The following PPP1R21 variants were observed in gnomAD, a reference collection of about 807,000 sequenced individuals.
The protein encoded by PPP1R21 is KLRAQ motif containing 1.
A neutral mutation model predicts 112.8 loss-of-function variants in PPP1R21; 85 were observed. The ratio of observed to expected loss-of-function variants is 0.75; its 90% CI spans 0.63 to 0.90. PPP1R21 has a LOEUF of 0.90. Ranked by LOEUF, PPP1R21 falls within the 40% of genes least tolerant of loss-of-function variation. The pLI is 0.00. For missense variants in PPP1R21, 1,199 were observed against 901.5 expected (o/e 1.33, Z -4.23); for synonymous variants, 381 against 322.3 (o/e 1.18, Z -1.95).
intron 11 of PPP1R21, among the ~76,000 whole-genome samples, chr2:48,472,942 A>AAAAAAAAAG (rs1396790936): frequency 1.3e-5 from 2 of 150,998 alleles, no homozygotes; most frequent in Non-Finnish European, 3.0e-5. Context: ...TCTTAAAAAA[A>AAAAAAAAAG]AAAAAAAGAA....
intron 17 of PPP1R21, among the ~76,000 whole-genome samples, chr2:48,504,513 C>A (rs1302898135): frequency 6.6e-6 from 1 of 152,084 alleles, no homozygotes; most frequent in Non-Finnish European, 1.5e-5. Context: ...TGGTGGCGTG[C>A]ACCTGTAATC....
chr2:48,498,713 A>T lies in PPP1R21; in HGVS notation c.1913A>T (p.Glu638Val). The change falls in exon 17 of 22, where the codon GAG (glutamate) becomes GTG (valine). Residue 638 changes from glutamate (E) to valine (V), a missense_variant. By Grantham distance (121) the Glu-to-Val change is moderately radical (BLOSUM62 -2). Coordinates refer to ENST00000294952, the MANE Select transcript of PPP1R21 (RefSeq NM_001135629.3). Reference sequence around the variant, plus strand: ...GAAGCCACAGCTAAGGCTGTGTTGGAGCCCATTCAGAGCACCAGTCTAGTA... The same window carrying T: ...GAAGCCACAGCTAAGGCTGTGTTGGTGCCCATTCAGAGCACCAGTCTAGTA... Reference protein sequence around the residue: ...QDEATAKAVLEPIQSTSLIGT... With the variant: ...QDEATAKAVLVPIQSTSLIGT... The T allele has an allele frequency of 6.2e-7, 1 of 1,614,216 alleles. No homozygotes were observed. Among genetic ancestry groups the T allele is most frequent in the Non-Finnish European group, 8.5e-7 (1 of 1,180,024 alleles).
chr2:48,460,130 A>C lies in PPP1R21; in HGVS notation c.576A>C (p.Glu192Asp). 1.2e-6 allele frequency: 2 copies of C among 1,614,176 alleles called. No homozygotes were observed. The highest frequency in any genetic ancestry group is 1.7e-6 in the Non-Finnish European group (2 of 1,180,018). The change falls in exon 6 of 22, where the codon GAA becomes GAC. Residue 192 changes from glutamate (E) to aspartate (D), a missense_variant. Glu to Asp is a conservative substitution (Grantham distance 45). Coordinates refer to ENST00000294952, the MANE Select transcript of PPP1R21 (RefSeq NM_001135629.3). ...KSQTLEKEAKECRLRTEECQL... is the reference protein window; with the variant it reads ...KSQTLEKEAKDCRLRTEECQL... ...AGACTCTAGAAAAGGAAGCCAAGGA[A>C]TGTCGACTTCGAACGGAAGAATGGT...
At chr2:48,451,418 A>G (rs536374535) in intron 2 of PPP1R21, among the ~76,000 whole-genome samples, 11 of 152,228 alleles carry the variant, frequency 7.2e-5, no homozygotes, top group African/African-American at 1.7e-4. Context: ...AGGCTATGTC[A>G]TATTCCTATT....
rs539405263 is a variant in PPP1R21 at position 48,504,684 on chromosome 2, C to G, written c.1936-880C>G. Among the ~76,000 whole-genome samples, 3 of 152,268 alleles carry G rather than the reference C, an allele frequency of 2.0e-5. No individual in the cohort carries two copies. The East Asian group carries it at 5.8e-4, about 29-fold the overall frequency. On this transcript the variant is annotated intron_variant, in intron 17 of 21. Transcript: ENST00000294952. The stretch of plus-strand genomic sequence containing the variant: ...AAAAACTGTTCATTGAGTGTAATAT[C>G]TTATTGACAGAATCCATTGACACTG...
chr2:48,446,614 TTAAA>T (rs1314120752), intron 1 of PPP1R21, among the ~76,000 whole-genome samples: 2 of 152,216 alleles, frequency 1.3e-5, no homozygotes, highest in African/African-American at 2.4e-5. Flanking sequence ...AATTAACTGA[TTAAA>T]TAACTAAAAA....
At chr2:48,497,707 A>G (rs968967911) in intron 16 of PPP1R21, among the ~76,000 whole-genome samples, 14 of 144,912 alleles carry the variant, frequency 9.7e-5, no homozygotes, top group Non-Finnish European at 1.3e-4. Context: ...GCTGGAGTGC[A>G]GTGGCGCTAT....
At chr2:48,465,072 T>C in intron 8 of PPP1R21, 83 bp downstream of exon 8, 1 of 1,049,578 alleles carries the variant, frequency 9.5e-7, no homozygotes. Flanking sequence ...TGTTTGGACC[T>C]CTGTTTAGTG....
At chr2:48,495,349 G>A (rs999597837) in intron 15 of PPP1R21, among the ~76,000 whole-genome samples, 2 of 151,990 alleles carry the variant, frequency 1.3e-5, no homozygotes, top group Non-Finnish European at 2.9e-5. Context: ...GACTACAGGC[G>A]CGTGCCACCA....
In PPP1R21 at chr2:48,477,267, C is replaced by T. The variant is rs10183526; in HGVS notation, c.1225+2448C>T. On this transcript the variant is annotated intron_variant, in intron 12 of 21. Transcript: ENST00000294952. The stretch of plus-strand genomic sequence containing the variant: ...CCGAGTAGCTGGGACTACGGGTGTG[C>T]GCCACTGCACTTGGCTAATTTTTGC... Among the ~76,000 whole-genome samples, 853 of 151,860 alleles carry T rather than the reference C, an allele frequency of 5.6e-3. 10 individuals carry two copies. Among genetic ancestry groups the T allele is most frequent in the African/African-American group, 0.019 (799 of 41,398 alleles).
chr2:48,485,498 A>G, intron 13 of PPP1R21, among the ~76,000 whole-genome samples: 1 of 152,314 alleles, frequency 6.6e-6, no homozygotes, highest in Admixed American at 6.5e-5. Flanking sequence ...AAATTGGCTA[A>G]AGGGTGTAAT....
At chr2:48,457,453 A>T (rs1273010953) in intron 3 of PPP1R21, among the ~76,000 whole-genome samples, 1 of 152,216 alleles carries the variant, frequency 6.6e-6, no homozygotes, top group African/African-American at 2.4e-5. Flanking sequence ...TTTCATTGTT[A>T]GGCTGTTCCT....
chr2:48,504,995 A>G (rs939536213), intron 17 of PPP1R21, among the ~76,000 whole-genome samples: 3 of 149,890 alleles, frequency 2.0e-5, no homozygotes, highest in Admixed American at 2.0e-4. Flanking sequence ...CCTTGTGTCT[A>G]AAAAAAAAAT....
chr2:48,456,790 C>T (rs560948250), intron 3 of PPP1R21, among the ~76,000 whole-genome samples: 20 of 152,290 alleles, frequency 1.3e-4, no homozygotes, highest in African/African-American at 3.1e-4. Context: ...CAGTGGCTCA[C>T]GCCTGTAATC....
At chr2:48,512,655 T>C (rs1670694633) in intron 21 of PPP1R21, among the ~76,000 whole-genome samples, 1 of 152,252 alleles carries the variant, frequency 6.6e-6, no homozygotes, top group African/African-American at 2.4e-5. Flanking sequence ...TGATTTTGTT[T>C]ATCAACATAG....
At chr2:48,476,904 T>C (rs1349519722) in intron 12 of PPP1R21, among the ~76,000 whole-genome samples, 1 of 152,116 alleles carries the variant, frequency 6.6e-6, no homozygotes, top group Admixed American at 6.5e-5. Flanking sequence ...TCTTTTAACT[T>C]TCTTGATAGT....
chr2:48,511,511 T>G (rs764898272), intron 21 of PPP1R21, 43 bp downstream of exon 21: 18 of 1,593,096 alleles, frequency 1.1e-5, no homozygotes, highest in Non-Finnish European at 1.5e-5. Flanking sequence ...AATATAATAT[T>G]TAATGTGAGG....
intron 12 of PPP1R21, chr2:48,479,648 G>A (rs1326376302): frequency 1.7e-5 from 10 of 601,182 alleles, no homozygotes; most frequent in Non-Finnish European, 2.5e-5. Context: ...AAAGACTTTC[G>A]TTTTACAAAG....
intron 17 of PPP1R21, among the ~76,000 whole-genome samples, chr2:48,502,475 G>A (rs543301502): frequency 6.6e-6 from 1 of 152,068 alleles, no homozygotes; most frequent in South Asian, 2.1e-4. Flanking sequence ...TGCCCTTTAA[G>A]TGACCTTAAG....
Sources: allele counts gnomAD v4.1 joint callset (sites outside exome capture counted in the v4.1 genomes callset), GRCh38; gene constraint gnomAD v4.1.1; transcripts MANE v1.5; gene names NCBI Gene and HGNC (gene_info 2026-07-23, HGNC 2026-07-21).